Variants in HMMR observed in about 807,000 individuals in gnomAD.
HMMR encodes hyaluronan mediated motility receptor, also known as intracellular hyaluronic acid-binding protein.
In HMMR, 108 loss-of-function variants were observed where a neutral mutation model predicts 101.0. The ratio of observed to expected loss-of-function variants is 1.07; its 90% CI spans 0.92 to 1.25. The LOEUF is 1.25. Among genes scored for constraint, HMMR ranks in the 50% most tolerant of loss-of-function variants. The pLI is 0.00. For synonymous variants in HMMR, 296 were observed against 276.4 expected, an observed-to-expected ratio of 1.07 and a Z score of -0.70; for missense variants, 813 against 788.7, an observed-to-expected ratio of 1.03 and a Z score of -0.37.
At chr5:163,490,256 T>A (rs1759643013) in intron 16 of HMMR, 134 bp from the exon 17 acceptor site, 1 of 566,934 alleles carries the variant, frequency 1.8e-6, no homozygotes, top group Non-Finnish European at 3.1e-6. Flanking sequence ...TTAAAGCCTG[T>A]GTCTAGTAGT....
At chr5:163,476,847 G>A (rs1759084090) in intron 11 of HMMR, among the ~76,000 whole-genome samples, 1 of 152,086 alleles carries the variant, frequency 6.6e-6, no homozygotes, top group East Asian at 1.9e-4. Flanking sequence ...GGCCAACATG[G>A]TGAAACCCCA....
chr5:163,489,236 T>A (rs1441386687), intron 16 of HMMR: 1 of 152,476 alleles, frequency 6.6e-6, no homozygotes, highest in Admixed American at 6.5e-5. Flanking sequence ...TTATGCTTCC[T>A]GGCTCACCAC....
chr5:163,490,622 A>T, intron 17 of HMMR, 70 bp downstream of exon 17: 1 of 1,173,764 alleles, frequency 8.5e-7, no homozygotes, highest in Non-Finnish European at 1.2e-6. Context: ...TTAGCAAGTC[A>T]TCCATTTTAT....
intron 12 of HMMR, 127 bp downstream of exon 12, chr5:163,478,927 C>T: frequency 1.7e-6 from 1 of 585,762 alleles, no homozygotes; most frequent in South Asian, 2.1e-5. Context: ...CCATAATCAC[C>T]AACCGTAAGT....
chr5:163,469,531 A>G (rs1266100787), intron 4 of HMMR, 110 bp from the exon 5 acceptor site: 3 of 805,372 alleles, frequency 3.7e-6, no homozygotes, highest in South Asian at 3.1e-5. Context: ...TACAAGCATA[A>G]TGTCAAAATC....
At chr5:163,482,597 G>T (rs187318276) in intron 12 of HMMR, 45 bp from the exon 13 acceptor site, 3 of 1,371,732 alleles carry the variant, frequency 2.2e-6, no homozygotes, top group East Asian at 2.3e-5. Context: ...ATTGTCATAC[G>T]CAATAGTTAG....
Position 163,471,256 on chromosome 5 carries a change from A to G in HMMR, c.534A>G (p.Arg178=). The change falls in exon 6 of 18, where the codon AGA becomes AGG. Residue 178 remains arginine (R), a synonymous_variant. Transcript: ENST00000393915. The part of the protein sequence containing the change: ...SLELMKLRNK[R]ETKMRGMMAK... ...AGTTGATGAAACTTAGAAACAAAAG[A>G]GAAACAAAGATGAGGGTGAGTGCTG... 6.2e-7 allele frequency: 1 copy of G among 1,612,950 alleles called. No homozygotes were observed. The highest frequency in any genetic ancestry group is 8.5e-7 in the Non-Finnish European group (1 of 1,178,906).
chr5:163,473,605 AAC>A, intron 9 of HMMR, 48 bp downstream of exon 9: 1 of 1,167,910 alleles, frequency 8.6e-7, no homozygotes, highest in Middle Eastern at 2.3e-4. Flanking sequence ...TGTTACATAC[AAC>A]ATTTAGGAAA....
rs937755947 is a variant in HMMR, at chr5:163,483,346, T to C, written c.1764T>C (p.Tyr588=). 2 of 1,588,604 alleles carry C rather than the reference T, an allele frequency of 1.3e-6. No homozygotes were observed. Among genetic ancestry groups the C allele is most frequent in the Non-Finnish European group, 1.7e-6 (2 of 1,159,552 alleles). The change falls in exon 15 of 18, where the codon TAT becomes TAC. Residue 588 remains tyrosine, a synonymous_variant. Transcript: ENST00000393915. The part of the protein sequence containing the change: ...NKWRLLYEEL[Y]NKTKPFQLQL... ...GGCGTCTCCTCTATGAAGAACTATA[T>C]AATAAAACAAAACCTTTTCAGGTTT...
At position 163,482,704 on chromosome 5, in the gene HMMR, A is replaced by C. The variant is rs115405676; in HGVS notation, c.1448A>C (p.Glu483Ala). The change falls in exon 13 of 18, where the codon GAA becomes GCA. Residue 483 changes from glutamate to alanine, a missense_variant. Glu to Ala is a moderately radical substitution (Grantham distance 107, BLOSUM62 -1). Coordinates refer to ENST00000393915, the MANE Select transcript of HMMR (RefSeq NM_001142556.2). ...DLKLENSSLQ[E>A]KAAKAGKNAE... is the part of the protein sequence containing the mutation. ...AAGCTGGAGAACTCATCATTACAGG[A>C]AAAAGCGGCCAAGGCTGGGAAAAAT... The C allele has an allele frequency of 2.1e-4, 331 of 1,612,908 alleles. No homozygotes were observed. The African/African-American group carries it at 4.1e-3, about 20-fold the overall frequency.
At chr5:163,486,969 C>G (rs1342469833) in intron 16 of HMMR, among the ~76,000 whole-genome samples, 1 of 152,138 alleles carries the variant, frequency 6.6e-6, no homozygotes, top group Non-Finnish European at 1.5e-5. Context: ...ATCCCAGCTA[C>G]TTGGGTAGGA....
chr5:163,471,174 G>A lies in HMMR; in HGVS notation c.463-11G>A, dbSNP rs1179042393. Reference sequence around the variant, plus strand: ...ATATTTCTGAATTTTTTACGTGTTTGTTGTATTTAGTTTTCTGAAAATGGT... The same window carrying A: ...ATATTTCTGAATTTTTTACGTGTTTATTGTATTTAGTTTTCTGAAAATGGT... On this transcript the variant is annotated splice_polypyrimidine_tract_variant and intron_variant, in intron 5 of 17. Coordinates refer to ENST00000393915, the MANE Select transcript of HMMR (RefSeq NM_001142556.2). 4 of 1,517,148 alleles carry A rather than the reference G, an allele frequency of 2.6e-6. No homozygotes were observed. In the East Asian group the frequency reaches 6.8e-5, roughly 26 times the overall value. The allele number at this position is 1,517,148 out of a possible 1,614,324, so 94.0% of individuals were successfully genotyped here.
chr5:163,490,393 G>T lies in HMMR; in HGVS notation c.1966G>T (p.Val656Leu), dbSNP rs769595247. Reference sequence around the variant, plus strand: ...CCTATTATTTCTTTTTACCTAGGAAGTATCAAAACTCCGCTGTCAGCTTGC... The same window carrying T: ...CCTATTATTTCTTTTTACCTAGGAATTATCAAAACTCCGCTGTCAGCTTGC... Reference protein sequence around the residue: ...KDENSQLKSEVSKLRCQLAKK... With the variant: ...KDENSQLKSELSKLRCQLAKK... The change falls in exon 17 of 18, where the codon GTA becomes TTA. Residue 656 changes from valine to leucine, a missense_variant. By Grantham distance (32) the Val-to-Leu change is conservative. Coordinates refer to ENST00000393915, the MANE Select transcript of HMMR (RefSeq NM_001142556.2). 1.3e-6 allele frequency: 2 copies of T among 1,554,706 alleles called. No individual in the cohort carries two copies. The highest frequency in any genetic ancestry group is 2.2e-5 in the East Asian group (1 of 44,494).
In HMMR at chr5:163,463,969, C is replaced by A; in HGVS notation, c.145+15C>A. The A allele has an allele frequency of 2.3e-6, 2 of 856,290 alleles. No individual in the cohort carries two copies. The highest frequency in any genetic ancestry group is 2.1e-5 in the South Asian group (1 of 48,064). The allele number at this position is 856,290 out of a possible 1,614,324, so 53.0% of individuals were successfully genotyped here. A position where few individuals can be genotyped will look rare whatever the true frequency, so the allele number is the denominator to read the frequency against. On this transcript the variant is annotated intron_variant, in intron 2 of 17. Coordinates refer to ENST00000393915, the MANE Select transcript of HMMR (RefSeq NM_001142556.2). ...ACAACAAAAAGGTAATATAGATCAC[C>A]AAAGAACAATGGTTATGTGATCTTA...
rs1051367208 is a variant in HMMR at position 163,463,849 on chromosome 5, C to T, written c.47-7C>T. The T allele has an allele frequency of 3.2e-6, 4 of 1,266,812 alleles. No individual in the cohort carries two copies. The highest frequency in any genetic ancestry group is 4.3e-6 in the Non-Finnish European group (4 of 931,634). The allele number at this position is 1,266,812 out of a possible 1,614,324, so 78.5% of individuals were successfully genotyped here. Reference sequence around the variant, plus strand: ...GATAATATATTAATGTTTTCTATTTCCTCTAGGTTGTGCACCATCTCCAGG... The same window carrying T: ...GATAATATATTAATGTTTTCTATTTTCTCTAGGTTGTGCACCATCTCCAGG... On this transcript the variant is annotated splice_polypyrimidine_tract_variant and splice_region_variant and intron_variant, in intron 1 of 17. Transcript: ENST00000393915.
At chr5:163,472,050 A>ATTT (rs10672532) in intron 7 of HMMR, among the ~76,000 whole-genome samples, 3 of 140,564 alleles carry the variant, frequency 2.1e-5, no homozygotes, top group African/African-American at 2.8e-5. Context: ...TATTATTATT[A>ATTT]TTTATTTTTT....
At chr5:163,479,243 T>A (rs1400832233) in intron 12 of HMMR, among the ~76,000 whole-genome samples, 1 of 152,242 alleles carries the variant, frequency 6.6e-6, no homozygotes, top group East Asian at 1.9e-4. Flanking sequence ...TTCCCACCTA[T>A]TACAGATGAA....
intron 12 of HMMR, among the ~76,000 whole-genome samples, chr5:163,481,783 A>G (rs922473829): frequency 6.6e-6 from 1 of 152,132 alleles, no homozygotes; most frequent in Non-Finnish European, 1.5e-5. Context: ...AGCCTCCTTT[A>G]TCACTCACCT....
chr5:163,490,524 T>C lies in HMMR; in HGVS notation c.2097T>C (p.Asn699=). Residue 699 remains asparagine (N), a synonymous_variant, in exon 17 of 18, where the codon AAT becomes AAC. Transcript: ENST00000393915. The stretch of plus-strand genomic sequence containing the variant: ...CTTTTCATCATGAAAGTAAAGAAAA[T>C]TTTGCCCTGAAGACCCCATTAAAAG... The part of the protein sequence containing the change: ...SKAFHHESKE[N]FALKTPLKEG... The C allele has an allele frequency of 6.2e-7, 1 of 1,602,636 alleles. No homozygotes were observed. Among genetic ancestry groups the C allele is most frequent in the South Asian group, 1.1e-5 (1 of 88,154 alleles).
Sources: gnomAD v4.1 joint callset for allele counts (sites outside exome capture counted in the v4.1 genomes callset) on GRCh38, gnomAD v4.1.1 for gene constraint, MANE v1.5 for transcripts, NCBI Gene and HGNC (gene_info 2026-07-23, HGNC 2026-07-21) for gene names.